The following ROBO1 variants were observed in gnomAD, a reference collection of about 807,000 sequenced individuals.
The protein encoded by ROBO1 is roundabout guidance receptor 1, also known as roundabout homolog 1.
In ROBO1, 149 loss-of-function variants were observed where a neutral mutation model predicts 195.9. The observed-to-expected ratio is 0.76, with a 90% confidence interval of 0.67 to 0.87. ROBO1 has a LOEUF of 0.87. Ranked by LOEUF, ROBO1 falls within the 40% of genes least tolerant of loss-of-function variation. The pLI is 0.00. For missense variants in ROBO1, 1,933 were observed against 2,068.3 expected, an observed-to-expected ratio of 0.93 and a Z score of 1.27; for synonymous variants, 816 against 733.2, an observed-to-expected ratio of 1.11 and a Z score of -1.82.
At chr3:78,981,302 T>C (rs1424336787) in intron 3 of ROBO1, among the ~76,000 whole-genome samples, 1 of 152,126 alleles carries the variant, frequency 6.6e-6, no homozygotes, top group Non-Finnish European at 1.5e-5. Flanking sequence ...CAAATTCTCA[T>C]TTAAATCTTT....
At chr3:79,055,665 T>A (rs755219070) in intron 3 of ROBO1, among the ~76,000 whole-genome samples, 1 of 152,052 alleles carries the variant, frequency 6.6e-6, no homozygotes, top group Non-Finnish European at 1.5e-5. Flanking sequence ...GTGCTCCCAG[T>A]CAGCATGTGA....
chr3:79,710,673 G>T (rs1702240251), intron 1 of ROBO1, among the ~76,000 whole-genome samples: 1 of 152,100 alleles, frequency 6.6e-6, no homozygotes, highest in South Asian at 2.1e-4. Flanking sequence ...TAGTGTTTGT[G>T]TAAAACACTA....
chr3:79,362,064 A>G (rs878931185), intron 2 of ROBO1, among the ~76,000 whole-genome samples: 1 of 152,036 alleles, frequency 6.6e-6, no homozygotes, highest in East Asian at 1.9e-4. Context: ...GAATTTTAGG[A>G]TGTATGTTGA....
intron 1 of ROBO1, among the ~76,000 whole-genome samples, chr3:79,686,567 T>G (rs1193806746): frequency 6.6e-6 from 1 of 152,144 alleles, no homozygotes; most frequent in African/African-American, 2.4e-5. Flanking sequence ...AGCATTCTTA[T>G]ACACCAATAA....
intron 2 of ROBO1, among the ~76,000 whole-genome samples, chr3:79,227,304 C>T (rs2082242910): frequency 6.6e-6 from 1 of 152,134 alleles, no homozygotes; most frequent in Non-Finnish European, 1.5e-5. Flanking sequence ...GACCTAAGTT[C>T]TGTGTTCTCC....
At chr3:79,072,042 G>A (rs1468865086) in intron 3 of ROBO1, among the ~76,000 whole-genome samples, 1 of 151,706 alleles carries the variant, frequency 6.6e-6, no homozygotes, top group Non-Finnish European at 1.5e-5. Context: ...TTAAAAGAAG[G>A]CTTTGCTAAC....
intron 2 of ROBO1, among the ~76,000 whole-genome samples, chr3:79,219,920 A>G (rs1185665720): frequency 5.9e-5 from 9 of 152,096 alleles, no homozygotes; most frequent in Non-Finnish European, 1.3e-4. Context: ...TATGAGGTAC[A>G]AATGTAAGCC....
Position 79,244,780 on chromosome 3 carries a change from A to G in ROBO1, c.89-119241T>C, listed in dbSNP as rs566869063. ...ATTCTGTATTTGAATAAAATATTAC[A>G]TATCCATAAATAGGCATATACATTT... On this transcript the variant is annotated intron_variant, in intron 2 of 30. Transcript: ENST00000464233. 2.0e-5 allele frequency among the ~76,000 whole-genome samples: 3 copies of G among 152,246 alleles called. No homozygotes were observed. In the East Asian group the frequency reaches 5.8e-4, roughly 29 times the overall value.
chr3:79,322,053 A>G (rs781778470), intron 2 of ROBO1, among the ~76,000 whole-genome samples: 70 of 152,190 alleles, frequency 4.6e-4, no homozygotes, highest in Non-Finnish European at 8.5e-4. Flanking sequence ...TCCAGGGATC[A>G]CAATCTCAAA....
chr3:79,664,596 AC>A (rs1348633566), intron 1 of ROBO1, among the ~76,000 whole-genome samples: 1 of 151,902 alleles, frequency 6.6e-6, no homozygotes, highest in Non-Finnish European at 1.5e-5. Context: ...TTTCTTCTCC[AC>A]CCTTGGCAGC....
rs757383097 is a variant in ROBO1 at position 78,633,967 on chromosome 3, T to C, written c.3449A>G (p.Tyr1150Cys). Residue 1150 changes from tyrosine to cysteine, a missense_variant, in exon 24 of 31, where the codon TAC becomes TGC. Tyr to Cys is a radical substitution (Grantham distance 194, BLOSUM62 -2). Coordinates refer to ENST00000464233, the MANE Select transcript of ROBO1 (RefSeq NM_002941.4). ...QSYDQNTGGS[Y>C]NSSDRGSSTS... ...ACTACTGCCCCGGTCTGAGCTGTTGTAGGATCCTCCTGTGTTCTGGTCGTA... is the reference window on the plus strand; with the variant it reads ...ACTACTGCCCCGGTCTGAGCTGTTGCAGGATCCTCCTGTGTTCTGGTCGTA... 6.2e-6 allele frequency: 10 copies of C among 1,612,634 alleles called. No individual in the cohort carries two copies. The highest frequency in any genetic ancestry group is 1.6e-4 in the Middle Eastern group (1 of 6,072).
chr3:78,883,735 G>A (rs768979057), intron 4 of ROBO1, among the ~76,000 whole-genome samples: 2 of 152,048 alleles, frequency 1.3e-5, no homozygotes, highest in Non-Finnish European at 2.9e-5. Context: ...TTTAAATATA[G>A]TATAGTTTTT....
intron 4 of ROBO1, among the ~76,000 whole-genome samples, chr3:78,868,372 T>C (rs973391461): frequency 2.3e-5 from 3 of 130,132 alleles, no homozygotes; most frequent in South Asian, 2.3e-4. Context: ...TAATTTGGAA[T>C]TGAAAAAGAA....
chr3:78,658,866 C>T (rs960798604), intron 17 of ROBO1, among the ~76,000 whole-genome samples: 10 of 150,044 alleles, frequency 6.7e-5, no homozygotes, highest in African/African-American at 2.4e-4. Flanking sequence ...TACAGCTGAA[C>T]CAAAGCCACA....
intron 1 of ROBO1, among the ~76,000 whole-genome samples, chr3:79,613,476 G>T (rs1447581511): frequency 6.6e-6 from 1 of 151,876 alleles, no homozygotes; most frequent in African/African-American, 2.4e-5. Flanking sequence ...TAACCCAAAA[G>T]AATAAGGGAC....
chr3:79,130,038 A>G (rs1486788306), intron 2 of ROBO1, among the ~76,000 whole-genome samples: 4 of 70,218 alleles, frequency 5.7e-5, no homozygotes, highest in African/African-American at 2.3e-4. Context: ...CCATTGATCT[A>G]TATCTCTGTT....
intron 1 of ROBO1, among the ~76,000 whole-genome samples, chr3:79,700,303 TTG>T (rs1245731216): frequency 1.3e-5 from 1 of 74,178 alleles, no homozygotes; most frequent in Non-Finnish European, 3.0e-5. Flanking sequence ...GTGTGTGTGT[TTG>T]TGTGTGTGTG....
intron 3 of ROBO1, among the ~76,000 whole-genome samples, chr3:78,951,688 C>T (rs75349305): frequency 6.6e-6 from 1 of 152,194 alleles, no homozygotes; most frequent in East Asian, 1.9e-4. Context: ...ATTCCTTCAA[C>T]AACTGCCCAG....
At chr3:79,073,875 C>T (rs767033985) in intron 3 of ROBO1, among the ~76,000 whole-genome samples, 3 of 150,750 alleles carry the variant, frequency 2.0e-5, no homozygotes, top group African/African-American at 7.3e-5. Flanking sequence ...CTGCTGCAAG[C>T]GCTATTTTGC....
Sources: gnomAD v4.1 joint callset for allele counts (sites outside exome capture counted in the v4.1 genomes callset) on GRCh38, gnomAD v4.1.1 for gene constraint, MANE v1.5 for transcripts, NCBI Gene and HGNC (gene_info 2026-07-23, HGNC 2026-07-21) for gene names.